Variants in SEL1L3 observed in about 807,000 individuals in gnomAD.
SEL1L3 encodes protein sel-1 homolog 3.
A neutral mutation model predicts 142.8 loss-of-function variants in SEL1L3; 76 were observed. The ratio of observed to expected loss-of-function variants is 0.53; its 90% confidence interval spans 0.44 to 0.64. SEL1L3 has a LOEUF of 0.64. Ranked by LOEUF, SEL1L3 falls within the 30% of genes least tolerant of loss-of-function variation. The probability of loss-of-function intolerance (pLI) is 0.00; values close to 1 mark genes in which losing one functional copy is unlikely to be tolerated. For synonymous variants in SEL1L3, 504 were observed against 519.6 expected (o/e 0.97, Z 0.41); for missense variants, 1,262 against 1,381.7 (o/e 0.91, Z 1.37).
chr4:25,779,171 C>T lies in SEL1L3; in HGVS notation c.2490G>A (p.Ala830=), dbSNP rs751256965. The T allele has an allele frequency of 1.6e-5, 26 of 1,613,444 alleles. No homozygotes were observed. Among genetic ancestry groups the T allele is most frequent in the Admixed American group, 1.0e-4 (6 of 59,996 alleles). Residue 830 remains alanine (A), a synonymous_variant, in exon 16 of 24, where the codon GCG becomes GCA. Coordinates refer to ENST00000399878, the MANE Select transcript of SEL1L3 (RefSeq NM_015187.5). The part of the protein sequence containing the change: ...TLAGEYFHKA[A]QGGHMEGTLW... ...AGGTCCCTTCCATGTGTCCACCTTG[C>T]GCAGCCTTATGGAAATATTCACCAG...
At chr4:25,720,477 T>TTCCACTAATAGA in the SEL1L3 span, 1 of 152,132 alleles carries the variant, frequency 6.6e-6, no homozygotes. Context: ...AACTAATTGA[T>TTCCACTAATAGA]TGGAAGTCAA....
chr4:25,718,608 G>C, the SEL1L3 span: 1 of 152,176 alleles, frequency 6.6e-6, no homozygotes, highest in Non-Finnish European at 1.5e-5. Context: ...TTTTCGATCA[G>C]TTTATCGTAG....
In SEL1L3 at chr4:25,792,889, T is replaced by G. The variant is rs535968456; in HGVS notation, c.1957-2315A>C. ...TTTTGGTTGTTTTTCTTTTTCTCCT[T>G]GTTTTGTTTCCTCCTTGAATAAAGA... is the stretch of plus-strand genomic sequence containing the variant. On this transcript the variant is annotated intron_variant, in intron 11 of 23. Coordinates refer to ENST00000399878, the MANE Select transcript of SEL1L3 (RefSeq NM_015187.5). 9.2e-5 allele frequency among the ~76,000 whole-genome samples: 14 copies of G among 152,330 alleles called. No individual in the cohort carries two copies. In the South Asian group the frequency reaches 2.5e-3, roughly 27 times the overall value.
At chr4:25,768,034 C>A (rs1678493242) in intron 17 of SEL1L3, among the ~76,000 whole-genome samples, 1 of 152,120 alleles carries the variant, frequency 6.6e-6, no homozygotes, top group Non-Finnish European at 1.5e-5. Context: ...AACTCACAGA[C>A]AAGGCTGGGG....
chr4:25,810,117 C>T (rs1054583111), intron 9 of SEL1L3, among the ~76,000 whole-genome samples: 3 of 152,206 alleles, frequency 2.0e-5, no homozygotes, highest in Admixed American at 6.5e-5. Flanking sequence ...CTGGCCCCAT[C>T]CCAGAGAACC....
At chr4:25,859,948 C>T (rs1254908078) in intron 1 of SEL1L3, among the ~76,000 whole-genome samples, 1 of 152,204 alleles carries the variant, frequency 6.6e-6, no homozygotes, top group Non-Finnish European at 1.5e-5. Context: ...TAGAGCTCTG[C>T]TAATGGCCCG....
intron 17 of SEL1L3, among the ~76,000 whole-genome samples, chr4:25,774,284 A>G (rs1283993642): frequency 6.6e-6 from 1 of 152,220 alleles, no homozygotes; most frequent in Non-Finnish European, 1.5e-5. Context: ...CCTAAGCCCT[A>G]TTTGAGGCAT....
intron 1 of SEL1L3, chr4:25,860,510 C>G (rs1474049770): frequency 6.6e-6 from 1 of 152,202 alleles, no homozygotes; most frequent in Non-Finnish European, 1.5e-5. Context: ...GATCAAGAAG[C>G]CTTGCCTTCA....
At chr4:25,753,149 G>A (rs1717711050) in intron 23 of SEL1L3, among the ~76,000 whole-genome samples, 1 of 152,230 alleles carries the variant, frequency 6.6e-6, no homozygotes, top group Non-Finnish European at 1.5e-5. Flanking sequence ...CCTTCTGAAT[G>A]CAGGACAATT....
chr4:25,790,736 GA>G lies in SEL1L3; in HGVS notation c.1957-163del, dbSNP rs1560303457. On this transcript the variant is annotated intron_variant, in intron 11 of 23. Coordinates refer to ENST00000399878, the MANE Select transcript of SEL1L3 (RefSeq NM_015187.5). Reference sequence around the variant, plus strand: ...AGAAGGAGAGAGGGAGGGAGGGAAGGAAGGAAGGAAGGAAGGAAGGAAGAAA... The same window carrying G: ...AGAAGGAGAGAGGGAGGGAGGGAAGGAGGAAGGAAGGAAGGAAGGAAGAAA... 2.5e-4 allele frequency among the ~76,000 whole-genome samples: 30 copies of G among 118,764 alleles called. 1 individual carries two copies. Among genetic ancestry groups the G allele is most frequent in the African/African-American group, 7.4e-4 (23 of 31,184 alleles). The allele number at this position is 118,764 out of a possible 152,430, so 77.9% of individuals were successfully genotyped here. A position where few individuals can be genotyped will look rare whatever the true frequency, so the allele number is the denominator to read the frequency against.
At chr4:25,734,499 C>T in the SEL1L3 span, among the ~76,000 whole-genome samples, 2 of 152,156 alleles carry the variant, frequency 1.3e-5, no homozygotes, top group African/African-American at 4.8e-5. Context: ...CTGAGATAAA[C>T]TACACTAGAT....
chr4:25,778,034 A>G (rs1349064518), intron 16 of SEL1L3: 2 of 302,026 alleles, frequency 6.6e-6, no homozygotes, highest in Admixed American at 8.6e-5. Flanking sequence ...ACAGGTACCA[A>G]GCTACATTTC....
intron 9 of SEL1L3, among the ~76,000 whole-genome samples, chr4:25,813,563 G>A (rs914151524): frequency 6.6e-6 from 1 of 152,128 alleles, no homozygotes; most frequent in African/African-American, 2.4e-5. Context: ...TTTGGGATGG[G>A]GGCAATGGGG....
chr4:25,843,867 G>A (rs769492534), intron 2 of SEL1L3, among the ~76,000 whole-genome samples: 1 of 152,384 alleles, frequency 6.6e-6, no homozygotes, highest in East Asian at 1.9e-4. Flanking sequence ...GCTGAGAGCC[G>A]TGTCTGGACA....
At chr4:25,768,673 C>T (rs979302534) in intron 17 of SEL1L3, among the ~76,000 whole-genome samples, 2 of 152,122 alleles carry the variant, frequency 1.3e-5, no homozygotes, top group African/African-American at 4.8e-5. Flanking sequence ...CAACAAAAAA[C>T]TGGAAACAAA....
intron 6 of SEL1L3, among the ~76,000 whole-genome samples, chr4:25,828,044 T>C (rs988163854): frequency 1.3e-5 from 2 of 152,200 alleles, no homozygotes; most frequent in African/African-American, 4.8e-5. Flanking sequence ...ACAACACTCC[T>C]ATGTGTTGAA....
intron 6 of SEL1L3, among the ~76,000 whole-genome samples, chr4:25,826,866 G>A (rs1212246615): frequency 1.3e-5 from 2 of 152,004 alleles, no homozygotes; most frequent in Non-Finnish European, 2.9e-5. Context: ...GTTTCACCAT[G>A]TTGCCCAGCC....
At chr4:25,749,520 G>T (rs1191201735) in intron 23 of SEL1L3, among the ~76,000 whole-genome samples, 1 of 152,172 alleles carries the variant, frequency 6.6e-6, no homozygotes, top group Non-Finnish European at 1.5e-5. Context: ...TTCTTCCACT[G>T]GGGGGTTTGC....
At chr4:25,814,557 A>G (rs1296725728) in intron 9 of SEL1L3, among the ~76,000 whole-genome samples, 1 of 152,230 alleles carries the variant, frequency 6.6e-6, no homozygotes, top group East Asian at 1.9e-4. Flanking sequence ...AGGTCAGGGC[A>G]GCAGCAGAAA....
Sources: gnomAD v4.1 joint callset for allele counts (sites outside exome capture counted in the v4.1 genomes callset) on GRCh38, gnomAD v4.1.1 for gene constraint, MANE v1.5 for transcripts, NCBI Gene and HGNC (gene_info 2026-07-23, HGNC 2026-07-21) for gene names.